SPAG16: variants seen among roughly 807,000 people sequenced by gnomAD.
SPAG16 encodes the protein sperm-associated antigen 16 protein.
SPAG16 carries 86 observed loss-of-function variants against 80.4 expected under a neutral mutation model. The observed-to-expected ratio is 1.07, with a 90% CI of 0.90 to 1.28. The LOEUF (loss-of-function observed/expected upper bound fraction) is 1.28, where lower values mean the gene tolerates loss of function less well. Among genes scored for constraint, SPAG16 ranks in the 50% most tolerant of loss-of-function variants. The pLI, the probability that SPAG16 is intolerant of heterozygous loss-of-function variation, is 0.00. For synonymous variants in SPAG16, 294 were observed against 265.9 expected (o/e 1.11, Z -1.03); for missense variants, 870 against 765.3 (o/e 1.14, Z -1.61).
intron 4 of SPAG16, among the ~76,000 whole-genome samples, chr2:213,315,082 C>T (rs2126129404): frequency 6.6e-6 from 1 of 151,820 alleles, no homozygotes; most frequent in East Asian, 1.9e-4. Flanking sequence ...ATAATTAGCT[C>T]TAATATTTAG....
intron 10 of SPAG16, among the ~76,000 whole-genome samples, chr2:213,670,832 A>G (rs559337841): frequency 6.6e-6 from 1 of 152,328 alleles, no homozygotes; most frequent in East Asian, 1.9e-4. Flanking sequence ...TGCCGCATAT[A>G]TCAGTAAGCA....
chr2:213,934,000 G>T (rs1301359268), intron 12 of SPAG16, among the ~76,000 whole-genome samples: 1 of 152,090 alleles, frequency 6.6e-6, no homozygotes, highest in Non-Finnish European at 1.5e-5. Context: ...TTGTATTTTT[G>T]CACAGTTCAG....
chr2:214,360,915 A>G (rs1385311287), intron 15 of SPAG16, among the ~76,000 whole-genome samples: 1 of 151,848 alleles, frequency 6.6e-6, no homozygotes, highest in Admixed American at 6.6e-5. Flanking sequence ...TTAGAGGAAG[A>G]GAAAATGATT....
chr2:213,585,777 G>T (rs780760342), intron 10 of SPAG16, among the ~76,000 whole-genome samples: 1 of 152,098 alleles, frequency 6.6e-6, no homozygotes. Flanking sequence ...AAATTAATTT[G>T]TAAACACTTA....
intron 10 of SPAG16, among the ~76,000 whole-genome samples, chr2:213,848,826 C>A (rs1342058882): frequency 6.6e-6 from 1 of 152,138 alleles, no homozygotes; most frequent in Admixed American, 6.6e-5. Context: ...GACATTTGAT[C>A]TATTCCTCTT....
At chr2:213,633,279 A>T (rs1249983285) in intron 10 of SPAG16, among the ~76,000 whole-genome samples, 1 of 152,174 alleles carries the variant, frequency 6.6e-6, no homozygotes, top group Non-Finnish European at 1.5e-5. Context: ...CGAGCCACTA[A>T]TGATCTTTTG....
chr2:213,749,946 G>A (rs1168430319), intron 10 of SPAG16, among the ~76,000 whole-genome samples: 2 of 152,078 alleles, frequency 1.3e-5, no homozygotes, highest in African/African-American at 4.8e-5. Flanking sequence ...GTAAAACCCT[G>A]GTTGAGGTAC....
Position 214,197,268 on chromosome 2 carries a change from A to G in SPAG16, c.1720+48002A>G, listed in dbSNP as rs146078559. 1.4e-3 allele frequency among the ~76,000 whole-genome samples: 209 copies of G among 152,182 alleles called. 2 individuals carry two copies. The highest frequency in any genetic ancestry group is 4.7e-3 in the African/African-American group (195 of 41,570). On this transcript the variant is annotated intron_variant, in intron 15 of 15. Transcript: ENST00000331683. ...TTGAAATCTGTGAATAAATCTCAAC[A>G]TGTAATTTATACAGACAAAATAAAT...
At chr2:213,876,496 T>C (rs1397106480) in intron 11 of SPAG16, among the ~76,000 whole-genome samples, 1 of 152,136 alleles carries the variant, frequency 6.6e-6, no homozygotes, top group Non-Finnish European at 1.5e-5. Flanking sequence ...ATAAGTCACA[T>C]ATAAATGAAG....
At chr2:214,075,426 T>C (rs2051025868) in intron 13 of SPAG16, among the ~76,000 whole-genome samples, 1 of 152,050 alleles carries the variant, frequency 6.6e-6, no homozygotes, top group Admixed American at 6.6e-5. Flanking sequence ...GTTTACTTTA[T>C]GGGGAGATAG....
intron 9 of SPAG16, among the ~76,000 whole-genome samples, chr2:213,411,968 A>G (rs2068993931): frequency 6.6e-6 from 1 of 152,190 alleles, no homozygotes; most frequent in Non-Finnish European, 1.5e-5. Context: ...TATGGGTTCT[A>G]AATTTCTTTT....
intron 15 of SPAG16, among the ~76,000 whole-genome samples, chr2:214,389,529 T>C (rs1700948094): frequency 1.3e-5 from 2 of 152,224 alleles, no homozygotes. Flanking sequence ...TCAGAAGATG[T>C]AGGAAATCAA....
At chr2:214,355,232 G>A (rs1182421140) in intron 15 of SPAG16, among the ~76,000 whole-genome samples, 3 of 144,778 alleles carry the variant, frequency 2.1e-5, no homozygotes, top group Admixed American at 7.1e-5. Context: ...GAGTGAACAG[G>A]CAACCTACAA....
intron 9 of SPAG16, among the ~76,000 whole-genome samples, chr2:213,428,926 C>T (rs1194602852): frequency 1.3e-5 from 2 of 151,904 alleles, no homozygotes; most frequent in African/African-American, 4.8e-5. Context: ...CCTGTCTCTA[C>T]TAAAAATACA....
chr2:214,235,706 T>G (rs2125813509), intron 15 of SPAG16, among the ~76,000 whole-genome samples: 1 of 152,336 alleles, frequency 6.6e-6, no homozygotes, highest in Admixed American at 6.5e-5. Flanking sequence ...ATTTACTTTT[T>G]ACATCTTCAT....
At chr2:214,007,159 T>G (rs1452599282) in intron 12 of SPAG16, among the ~76,000 whole-genome samples, 1 of 151,670 alleles carries the variant, frequency 6.6e-6, no homozygotes, top group Non-Finnish European at 1.5e-5. Context: ...TACTTATATT[T>G]ATAATAATGT....
chr2:213,877,662 A>G (rs749332286), intron 11 of SPAG16, among the ~76,000 whole-genome samples: 6 of 152,118 alleles, frequency 3.9e-5, no homozygotes, highest in Non-Finnish European at 7.4e-5. Context: ...TGGGTTGTGA[A>G]CTTAGGGAGA....
At chr2:213,836,127 A>G (rs1260468679) in intron 10 of SPAG16, among the ~76,000 whole-genome samples, 1 of 151,048 alleles carries the variant, frequency 6.6e-6, no homozygotes, top group African/African-American at 2.4e-5. Flanking sequence ...TACTAATTTT[A>G]TCTCTAATAA....
intron 13 of SPAG16, among the ~76,000 whole-genome samples, chr2:214,059,186 C>CGATATATATATATATA (rs2050102081): frequency 1.7e-5 from 2 of 114,390 alleles, no homozygotes; most frequent in African/African-American, 7.0e-5. Context: ...CTCTCTCTGT[C>CGATATATATATATATA]TATATATATA....
Sources: allele counts gnomAD v4.1 joint callset (sites outside exome capture counted in the v4.1 genomes callset), GRCh38; gene constraint gnomAD v4.1.1; transcripts MANE v1.5; gene names NCBI Gene and HGNC (gene_info 2026-07-23, HGNC 2026-07-21).